Variants in PICALM observed in about 807,000 individuals in gnomAD.
PICALM encodes the protein phosphatidylinositol-binding clathrin assembly protein.
A neutral mutation model predicts 80.5 loss-of-function variants in PICALM; 40 were observed. The observed-to-expected ratio is 0.50, with a 90% CI of 0.39 to 0.65. PICALM has a LOEUF of 0.65. PICALM is among the 30% of genes least tolerant of loss of function. PICALM has a pLI of 0.00. For synonymous variants in PICALM, 288 were observed against 260.3 expected (o/e 1.11, Z -1.02); for missense variants, 676 against 778.9 (o/e 0.87, Z 1.57).
chr11:86,024,217 T>C (rs1008038120), intron 3 of PICALM, among the ~76,000 whole-genome samples: 2 of 152,014 alleles, frequency 1.3e-5, no homozygotes, highest in African/African-American at 4.8e-5. Flanking sequence ...TGTTTTAATT[T>C]TTTTTCCTTA....
At chr11:86,020,879 A>G (rs1461839213) in intron 4 of PICALM, among the ~76,000 whole-genome samples, 2 of 152,236 alleles carry the variant, frequency 1.3e-5, no homozygotes, top group Non-Finnish European at 2.9e-5. Flanking sequence ...AAAAAAAGAT[A>G]CACTTAATTA....
chr11:85,977,455 C>T (rs2094317423), intron 17 of PICALM, among the ~76,000 whole-genome samples: 1 of 152,084 alleles, frequency 6.6e-6, no homozygotes, highest in South Asian at 2.1e-4. Context: ...ACAACATTTC[C>T]TGTGTGTGTT....
intron 19 of PICALM, chr11:85,960,659 A>T (rs618679): frequency 8.9e-7 from 1 of 1,129,272 alleles, no homozygotes. Flanking sequence ...CCATCTCCCA[A>T]AACAAGTAGC....
At chr11:86,038,837 G>A (rs797012721) in intron 1 of PICALM, among the ~76,000 whole-genome samples, 7 of 151,928 alleles carry the variant, frequency 4.6e-5, no homozygotes, top group Admixed American at 3.9e-4. Flanking sequence ...AAGACCAGGT[G>A]CAGTGGCTCA....
intron 2 of PICALM, 143 bp from the exon 3 acceptor site, chr11:86,026,510 G>A: frequency 3.5e-6 from 2 of 574,220 alleles, no homozygotes; most frequent in Non-Finnish European, 6.2e-6. Context: ...CCATTAACTA[G>A]TTACCAAACC....
intron 1 of PICALM, among the ~76,000 whole-genome samples, chr11:86,044,172 G>A (rs2096025667): frequency 6.6e-6 from 1 of 152,148 alleles, no homozygotes; most frequent in Admixed American, 6.5e-5. Flanking sequence ...AATAGATGGT[G>A]GCAAGTGCTA....
At chr11:86,015,380 G>A (rs1287473451) in intron 4 of PICALM, among the ~76,000 whole-genome samples, 1 of 152,074 alleles carries the variant, frequency 6.6e-6, no homozygotes, top group African/African-American at 2.4e-5. Context: ...CACTCTGTAG[G>A]CCAAGAGTTA....
chr11:86,035,658 T>C (rs2095827627), intron 1 of PICALM, among the ~76,000 whole-genome samples: 1 of 152,060 alleles, frequency 6.6e-6, no homozygotes, highest in Non-Finnish European at 1.5e-5. Flanking sequence ...AAACTGGAGA[T>C]ACGGCTGGGC....
intron 4 of PICALM, 151 bp from the exon 5 acceptor site, chr11:86,015,114 C>A: frequency 3.4e-6 from 2 of 581,146 alleles, no homozygotes; most frequent in Non-Finnish European, 6.0e-6. Context: ...AAAACTGAAG[C>A]AGAGATCATA....
intron 7 of PICALM, among the ~76,000 whole-genome samples, chr11:86,007,985 C>T (rs1277345608): frequency 6.6e-6 from 1 of 152,044 alleles, no homozygotes; most frequent in Non-Finnish European, 1.5e-5. Flanking sequence ...AGAAACAAAC[C>T]TGAAGACATC....
At chr11:85,980,767 C>T (rs645299) in intron 17 of PICALM, among the ~76,000 whole-genome samples, 11 of 152,048 alleles carry the variant, frequency 7.2e-5, no homozygotes, top group Admixed American at 3.3e-4. Context: ...AAATTCAACT[C>T]ATCATTTAAG....
chr11:86,002,043 C>T (rs918981360), intron 9 of PICALM, among the ~76,000 whole-genome samples: 2 of 152,088 alleles, frequency 1.3e-5, no homozygotes, highest in Admixed American at 6.6e-5. Context: ...TAAAAAGGTA[C>T]AATTCAGAAG....
At chr11:85,972,686 G>C (rs2094147563) in intron 19 of PICALM, among the ~76,000 whole-genome samples, 1 of 152,160 alleles carries the variant, frequency 6.6e-6, no homozygotes, top group South Asian at 2.1e-4. Flanking sequence ...TTTTAGCATG[G>C]ACTATAGCTT....
chr11:86,062,578 A>C (rs564813914), intron 1 of PICALM, among the ~76,000 whole-genome samples: 1 of 152,194 alleles, frequency 6.6e-6, no homozygotes, highest in East Asian at 1.9e-4. Flanking sequence ...GTCTGAATGT[A>C]GGTCCATCAA....
At chr11:86,022,705 C>T (rs1001248183) in intron 3 of PICALM, among the ~76,000 whole-genome samples, 3 of 151,688 alleles carry the variant, frequency 2.0e-5, no homozygotes, top group African/African-American at 7.3e-5. Context: ...AAAAAAAAAA[C>T]CTCTTCCCTT....
Position 85,981,765 on chromosome 11 carries a change from G to T in PICALM, c.1659C>A (p.Ile553=), listed in dbSNP as rs528175438. Residue 553 remains isoleucine, a synonymous_variant, in exon 16 of 20, where the codon ATC becomes ATA. Coordinates refer to ENST00000393346, the MANE Select transcript of PICALM (RefSeq NM_007166.4). ...SLANLVGNLG[I]GNGTTKNDVN... ...CTCACTTCTTAGTGGTTCCATTTCC[G>T]ATGCCAAGATCTAGGAAAGGAGAAA... The T allele has an allele frequency of 1.9e-6, 3 of 1,611,608 alleles. No individual in the cohort carries two copies. Among genetic ancestry groups the T allele is most frequent in the Non-Finnish European group, 2.5e-6 (3 of 1,177,892 alleles).
chr11:85,966,018 T>C (rs1592314378), intron 19 of PICALM, among the ~76,000 whole-genome samples: 1 of 151,882 alleles, frequency 6.6e-6, no homozygotes, highest in South Asian at 2.1e-4. Context: ...GGTTTCACCA[T>C]GTTGGTCAGC....
intron 7 of PICALM, among the ~76,000 whole-genome samples, chr11:86,010,413 G>A (rs1284533496): frequency 3.3e-5 from 5 of 150,196 alleles, no homozygotes; most frequent in African/African-American, 1.2e-4. Flanking sequence ...TGCAACCTCC[G>A]CCTCCTGGGC....
At chr11:86,039,899 G>T (rs1033505429) in intron 1 of PICALM, among the ~76,000 whole-genome samples, 1 of 151,110 alleles carries the variant, frequency 6.6e-6, no homozygotes, top group Non-Finnish European at 1.5e-5. Context: ...AGCTACTCAG[G>T]AGGCTGAAGC....
Sources: gnomAD v4.1 joint callset for allele counts (sites outside exome capture counted in the v4.1 genomes callset) on GRCh38, gnomAD v4.1.1 for gene constraint, MANE v1.5 for transcripts, NCBI Gene and HGNC (gene_info 2026-07-23, HGNC 2026-07-21) for gene names.